XYLT1: variants seen among roughly 807,000 people sequenced by gnomAD.
The protein encoded by XYLT1 is xylosyltransferase 1, also known as beta-D-xylosyltransferase 1.
XYLT1 carries 36 observed loss-of-function variants against 91.3 expected under a neutral mutation model. The ratio of observed to expected loss-of-function variants is 0.39; its 90% CI spans 0.30 to 0.52. The LOEUF (loss-of-function observed/expected upper bound fraction) is 0.52, where lower values mean the gene tolerates loss of function less well. Among genes scored for constraint, XYLT1 ranks in the 20% least tolerant of loss-of-function variants. The pLI is 0.68. For missense variants in XYLT1, 1,242 were observed against 1,284.5 expected, an observed-to-expected ratio of 0.97 and a Z score of 0.51; for synonymous variants, 588 against 532.0, an observed-to-expected ratio of 1.11 and a Z score of -1.45.
chr16:17,240,252 AG>A, intron 3 of XYLT1, among the ~76,000 whole-genome samples: 1 of 152,308 alleles, frequency 6.6e-6, no homozygotes, highest in Admixed American at 6.5e-5. Context: ...TAGGGGATGC[AG>A]GAACAGGGAG....
At position 17,312,954 on chromosome 16, in the gene XYLT1, C is replaced by A. The variant is rs536286468; in HGVS notation, c.402+45058G>T. On this transcript the variant is annotated intron_variant, in intron 2 of 11. Coordinates refer to ENST00000261381, the MANE Select transcript of XYLT1 (RefSeq NM_022166.4). This position sits in a 1 kb window ranked among gnomAD's most constrained non-coding sequence, Gnocchi z 4.4. ...TAGGTTCCAGACCCATCCCAAAGAA[C>A]CGGATCCTCTTGGAAAAGCTCCCCC... Among the ~76,000 whole-genome samples the A allele has an allele frequency of 3.3e-5, 5 of 152,348 alleles. No individual in the cohort carries two copies. Among genetic ancestry groups the A allele is most frequent in the Non-Finnish European group, 7.3e-5 (5 of 68,034 alleles).
At position 17,452,429 on chromosome 16, in the gene XYLT1, T is replaced by G. The variant is rs553936090; in HGVS notation, c.363+18005A>C. ...CTTCAGACCAAGGAGTTCGAGACCATCCCAGCCTCAATTATTTTTTTAATG... is the reference window on the plus strand; with the variant it reads ...CTTCAGACCAAGGAGTTCGAGACCAGCCCAGCCTCAATTATTTTTTTAATG... On this transcript the variant is annotated intron_variant, in intron 1 of 11. Coordinates refer to ENST00000261381, the MANE Select transcript of XYLT1 (RefSeq NM_022166.4). Among the ~76,000 whole-genome samples, 13 of 151,428 alleles carry G rather than the reference T, an allele frequency of 8.6e-5. No individual in the cohort carries two copies. The South Asian group carries it at 2.3e-3, about 27-fold the overall frequency.
intron 3 of XYLT1, among the ~76,000 whole-genome samples, chr16:17,208,911 G>T (rs928728771): frequency 6.6e-6 from 1 of 152,140 alleles, no homozygotes; most frequent in South Asian, 2.1e-4. Flanking sequence ...ATTTTTAGTA[G>T]AGATGGGGTT....
rs191101845 is a variant in XYLT1, at chr16:17,297,791, G to A, written c.403-38293C>T. Among the ~76,000 whole-genome samples, 642 of 152,282 alleles carry A rather than the reference G, an allele frequency of 4.2e-3. 3 individuals are homozygous for A. The highest frequency in any genetic ancestry group is 0.014 in the Middle Eastern group (4 of 294). On this transcript the variant is annotated intron_variant, in intron 2 of 11. Transcript: ENST00000261381. ...AATCCCACCACTTTGGGAGGTCGAGGCGGGCAGATCATGAGGTCAGGAGAT... is the reference window on the plus strand; with the variant it reads ...AATCCCACCACTTTGGGAGGTCGAGACGGGCAGATCATGAGGTCAGGAGAT...
intron 6 of XYLT1, among the ~76,000 whole-genome samples, chr16:17,141,727 C>T (rs1430574548): frequency 6.6e-6 from 1 of 152,130 alleles, no homozygotes; most frequent in Non-Finnish European, 1.5e-5. Flanking sequence ...CCATAGAGGT[C>T]TTGGCAGTTT....
intron 3 of XYLT1, among the ~76,000 whole-genome samples, chr16:17,204,947 C>T (rs1004330740): frequency 1.6e-5 from 2 of 124,724 alleles, no homozygotes; most frequent in South Asian, 2.7e-4. Context: ...AAGACCAAAA[C>T]CCAAACAGTG....
chr16:17,377,585 A>G (rs2035619160), intron 1 of XYLT1, among the ~76,000 whole-genome samples: 1 of 151,832 alleles, frequency 6.6e-6, no homozygotes. Flanking sequence ...TCCCATCAGG[A>G]AAGCTGGACG....
chr16:17,461,051 C>T (rs2036813236), intron 1 of XYLT1, among the ~76,000 whole-genome samples: 1 of 152,218 alleles, frequency 6.6e-6, no homozygotes, highest in South Asian at 2.1e-4. Flanking sequence ...CCGATGATGT[C>T]AGACCACTGT....
intron 2 of XYLT1, among the ~76,000 whole-genome samples, chr16:17,347,243 C>T (rs1207528410): frequency 6.6e-6 from 1 of 152,198 alleles, no homozygotes; most frequent in Non-Finnish European, 1.5e-5. Context: ...GCAGAAATAA[C>T]CTGTCTTCTC....
At chr16:17,435,511 C>T (rs11646110) in intron 1 of XYLT1, among the ~76,000 whole-genome samples, 30,703 of 152,046 alleles carry the variant, frequency 0.2, 3,707 homozygotes, top group African/African-American at 0.33. Flanking sequence ...GATGAGGGCC[C>T]TTTGGGCTAT....
At chr16:17,266,236 T>C (rs1328480103) in intron 2 of XYLT1, among the ~76,000 whole-genome samples, 2 of 152,146 alleles carry the variant, frequency 1.3e-5, no homozygotes, top group South Asian at 2.1e-4. Context: ...GGACAGAACA[T>C]TTCGCCTCTC....
At chr16:17,401,127 T>A (rs1440420937) in intron 1 of XYLT1, among the ~76,000 whole-genome samples, 1 of 152,198 alleles carries the variant, frequency 6.6e-6, no homozygotes, top group Non-Finnish European at 1.5e-5. Flanking sequence ...ATGAGTTTTT[T>A]CAGAGATCAT....
rs78572807 is a variant in XYLT1, at chr16:17,108,365, G to A, written c.*330C>T. 880 of 262,176 alleles carry A rather than the reference G, an allele frequency of 3.4e-3. 14 individuals are homozygous for A. Among genetic ancestry groups the A allele is most frequent in the African/African-American group, 0.018 (832 of 45,688 alleles). 16.2% of individuals were successfully genotyped at this position (262,176 alleles called of 1,614,324 possible). On this transcript the variant is annotated 3_prime_UTR_variant, in exon 12 of 12. Coordinates refer to ENST00000261381, the MANE Select transcript of XYLT1 (RefSeq NM_022166.4). ...CTCCGTAAACGAAGTTCTGCTGCTCGAAAGAAAAGTCTGAAAATCACACGT... is the reference window on the plus strand; with the variant it reads ...CTCCGTAAACGAAGTTCTGCTGCTCAAAAGAAAAGTCTGAAAATCACACGT...
chr16:17,167,253 G>A (rs2031710263), intron 5 of XYLT1, among the ~76,000 whole-genome samples: 1 of 152,272 alleles, frequency 6.6e-6, no homozygotes, highest in African/African-American at 2.4e-5. Flanking sequence ...AACTGCAGCT[G>A]CCTTCTGAAG....
rs1438344351 is a variant in XYLT1 at position 17,104,510 on chromosome 16, C to T, written c.*4185G>A. The stretch of plus-strand genomic sequence containing the variant: ...ACATGGGCTGTTATTTTTGCCCTGA[C>T]CTGATGCTGGCTTTTTTCCTCTTCT... On this transcript the variant is annotated 3_prime_UTR_variant, in exon 12 of 12. Coordinates refer to ENST00000261381, the MANE Select transcript of XYLT1 (RefSeq NM_022166.4). The T allele has an allele frequency of 6.6e-6, 1 of 152,158 alleles. No homozygotes were observed. The highest frequency in any genetic ancestry group is 2.4e-5 in the African/African-American group (1 of 41,420). The allele number at this position is 152,158 out of a possible 1,614,324, so 9.4% of individuals were successfully genotyped here.
At chr16:17,230,446 G>T (rs958730805) in intron 3 of XYLT1, among the ~76,000 whole-genome samples, 14 of 152,218 alleles carry the variant, frequency 9.2e-5, no homozygotes, top group African/African-American at 2.9e-4. Flanking sequence ...CCTGATATTG[G>T]CCACTCTAAG....
intron 1 of XYLT1, among the ~76,000 whole-genome samples, chr16:17,449,294 T>G (rs2036634216): frequency 6.6e-6 from 1 of 152,350 alleles, no homozygotes; most frequent in Non-Finnish European, 1.5e-5. Context: ...AGCCAGCTTC[T>G]CACTGCTGTC....
chr16:17,293,756 TG>T (rs150259152), intron 2 of XYLT1, among the ~76,000 whole-genome samples: 2,928 of 152,260 alleles, frequency 0.019, 118 homozygotes, highest in African/African-American at 0.067. Context: ...CCCAAAGTGC[TG>T]GGGTTACAGG....
At position 17,134,755 on chromosome 16, in the gene XYLT1, A is replaced by C; in HGVS notation, c.1765-20T>G. 1 of 1,611,214 alleles carries C rather than the reference A, an allele frequency of 6.2e-7. No homozygotes were observed. The highest frequency in any genetic ancestry group is 1.1e-5 in the South Asian group (1 of 91,006). On this transcript the variant is annotated intron_variant, in intron 8 of 11. Coordinates refer to ENST00000261381, the MANE Select transcript of XYLT1 (RefSeq NM_022166.4). ...TGTCTGCTGTACTCATGGGATTAAA[A>C]ATAGAAAAGCCACATCAGCGAGTGC...
Sources: allele counts gnomAD v4.1 joint callset (sites outside exome capture counted in the v4.1 genomes callset), GRCh38; gene constraint gnomAD v4.1.1; non-coding constraint Gnocchi (gnomAD v3.1); transcripts MANE v1.5; gene names NCBI Gene and HGNC (gene_info 2026-07-23, HGNC 2026-07-21).